Variants in ZNF695 observed in about 807,000 individuals in gnomAD.
The protein encoded by ZNF695 is zinc finger protein 695.
Under a neutral mutation model 11.2 loss-of-function variants are expected in ZNF695, and 11 were observed. That is an observed-to-expected ratio of 0.98 (90% CI 0.62 to 1.62). ZNF695 has a LOEUF of 1.62. Ranked by LOEUF, ZNF695 falls within the 40% of genes most tolerant of loss-of-function variation. The probability of loss-of-function intolerance (pLI) is 0.00; values close to 1 mark genes in which losing one functional copy is unlikely to be tolerated. For synonymous variants in ZNF695, 190 were observed against 201.4 expected (o/e 0.94, Z 0.48); for missense variants, 559 against 590.5 (o/e 0.95, Z 0.55).
At chr1:246,971,389 G>C (rs10924876) in intron 4 of ZNF695, among the ~76,000 whole-genome samples, 44,066 of 152,150 alleles carry the variant, frequency 0.29, 7,349 homozygotes, top group East Asian at 0.41. Flanking sequence ...TCAGGCCTCC[G>C]GATAGCTGTG....
At chr1:246,976,287 T>G (rs1668556224) in intron 4 of ZNF695, among the ~76,000 whole-genome samples, 1 of 152,218 alleles carries the variant, frequency 6.6e-6, no homozygotes, top group Non-Finnish European at 1.5e-5. Context: ...ACAACAAGAA[T>G]GAAATAGTCA....
chr1:246,946,098 T>C (rs575299437), intron 5 of ZNF695, among the ~76,000 whole-genome samples: 1 of 152,304 alleles, frequency 6.6e-6, no homozygotes, highest in Non-Finnish European at 1.5e-5. Flanking sequence ...GCTCATTGTC[T>C]TTCCCCAGAA....
chr1:246,978,768 G>A (rs1210386293), intron 4 of ZNF695, among the ~76,000 whole-genome samples: 2 of 152,052 alleles, frequency 1.3e-5, no homozygotes, highest in East Asian at 1.9e-4. Flanking sequence ...CGGGTTGCTG[G>A]GCCTCTCCTT....
chr1:246,956,811 T>C (rs1313876450), intron 5 of ZNF695, among the ~76,000 whole-genome samples: 4 of 152,132 alleles, frequency 2.6e-5, no homozygotes, highest in Non-Finnish European at 4.4e-5. Flanking sequence ...CCTCCTAAAG[T>C]GCTAGGATTA....
intron 1 of ZNF695, among the ~76,000 whole-genome samples, chr1:247,007,321 C>A (rs1255661420): frequency 6.6e-6 from 1 of 151,862 alleles, no homozygotes; most frequent in Admixed American, 6.6e-5. Context: ...ATGGTGAAAT[C>A]TCCGTTTCTA....
At chr1:246,998,646 T>C (rs1669273776) in intron 3 of ZNF695, among the ~76,000 whole-genome samples, 1 of 152,190 alleles carries the variant, frequency 6.6e-6, no homozygotes, top group Non-Finnish European at 1.5e-5. Flanking sequence ...TCTCACATGT[T>C]CCACATGCAA....
intron 5 of ZNF695, among the ~76,000 whole-genome samples, chr1:246,957,469 T>G (rs1434493123): frequency 2.6e-5 from 4 of 152,140 alleles, no homozygotes; most frequent in Admixed American, 2.0e-4. Flanking sequence ...AACTTTAATC[T>G]TCTCTAATTA....
chr1:246,982,769 T>C (rs6671016), downstream of ZNF695, among the ~76,000 whole-genome samples: 25,622 of 149,728 alleles, frequency 0.17, 2,395 homozygotes, highest in Middle Eastern at 0.25. Flanking sequence ...TCAGGAGATC[T>C]CTATCTATTT....
At chr1:247,002,802 A>AGTG (rs1558321896) in intron 1 of ZNF695, among the ~76,000 whole-genome samples, 6 of 151,666 alleles carry the variant, frequency 4.0e-5, no homozygotes, top group Non-Finnish European at 8.8e-5. Flanking sequence ...AGGGGGGGGC[A>AGTG]GCAAAGGACT....
At chr1:247,004,793 C>A (rs1438349379) in intron 1 of ZNF695, among the ~76,000 whole-genome samples, 1 of 152,078 alleles carries the variant, frequency 6.6e-6, no homozygotes, top group Non-Finnish European at 1.5e-5. Flanking sequence ...CAACAGCAAA[C>A]AATCTGAAAA....
rs760934069 is a variant in ZNF695 at position 246,987,953 on chromosome 1, CT to C, written c.561del (p.Glu188AsnfsTer10). ...SHTGEKPFKC[K>X]ECGNVSCMSL... is the part of the protein sequence containing the mutation. ...GACATGCAAGAGACATTGCCACATT[CT>C]TTGCATTTGAATGGTTTTTCTCCAG... On this transcript the variant is annotated frameshift_variant, in exon 4 of 4. Coordinates refer to ENST00000339986, the MANE Select transcript of ZNF695 (RefSeq NM_020394.5). LOFTEE classifies it low-confidence loss of function (END_TRUNC). 4 of 1,610,434 alleles carry C rather than the reference CT, an allele frequency of 2.5e-6. No individual in the cohort carries two copies. Among genetic ancestry groups the C allele is most frequent in the Non-Finnish European group, 3.4e-6 (4 of 1,178,850 alleles).
chr1:246,966,709 T>G, intron 5 of ZNF695: 1 of 451,372 alleles, frequency 2.2e-6, no homozygotes, highest in Non-Finnish European at 4.5e-6. Flanking sequence ...CGCTTGACCC[T>G]GGGAGTTCAA....
At chr1:246,976,585 G>C (rs1285552277) in intron 4 of ZNF695, among the ~76,000 whole-genome samples, 3 of 151,630 alleles carry the variant, frequency 2.0e-5, no homozygotes, top group Admixed American at 1.3e-4. Context: ...ACGAGGTGAG[G>C]AGATCGAGAC....
intron 3 of ZNF695, among the ~76,000 whole-genome samples, chr1:246,997,551 A>G (rs559670009): frequency 6.6e-6 from 1 of 151,956 alleles, no homozygotes; most frequent in South Asian, 2.1e-4. Flanking sequence ...CAGCAATCTC[A>G]CATGTGTGTG....
At chr1:247,005,764 A>G (rs1669514041) in intron 1 of ZNF695, among the ~76,000 whole-genome samples, 1 of 152,192 alleles carries the variant, frequency 6.6e-6, no homozygotes, top group African/African-American at 2.4e-5. Context: ...AAATCAAATC[A>G]AAATGGATTA....
chr1:246,966,233 A>C (rs1486517144), intron 5 of ZNF695, among the ~76,000 whole-genome samples: 2 of 152,154 alleles, frequency 1.3e-5, no homozygotes, highest in African/African-American at 2.4e-5. Flanking sequence ...TCACACCTAT[A>C]ATCTCAGCAC....
chr1:246,972,839 G>A (rs910865703), intron 4 of ZNF695, among the ~76,000 whole-genome samples: 1 of 151,150 alleles, frequency 6.6e-6, no homozygotes, highest in Non-Finnish European at 1.5e-5. Flanking sequence ...TTTTAGAAAC[G>A]CAAAAGAACA....
In ZNF695 at chr1:246,986,513, T is replaced by C. The variant is rs1371832848; in HGVS notation, c.*454A>G. The C allele has an allele frequency of 2.0e-6, 2 of 986,960 alleles. No individual in the cohort carries two copies. The highest frequency in any genetic ancestry group is 1.1e-4 in the East Asian group (1 of 8,870). 61.1% of individuals were successfully genotyped at this position (986,960 alleles called of 1,614,324 possible). A position where few individuals can be genotyped will look rare whatever the true frequency, so the allele number is the denominator to read the frequency against. Reference sequence around the variant, plus strand: ...GTGTCAGTGACTTAGTGCTTTTTACTATGAATTCTTGGATGTGTTTTGATG... The same window carrying C: ...GTGTCAGTGACTTAGTGCTTTTTACCATGAATTCTTGGATGTGTTTTGATG... On this transcript the variant is annotated 3_prime_UTR_variant, in exon 4 of 4. Coordinates refer to ENST00000339986, the MANE Select transcript of ZNF695 (RefSeq NM_020394.5).
At chr1:246,945,790 A>G in exon 6 of ZNF695, 1 of 1,550,348 alleles carries the variant, frequency 6.5e-7, no homozygotes, top group Non-Finnish European at 8.7e-7. Flanking sequence ...GAACCTCCGC[A>G]GGGTCTTCAA....
Sources: gnomAD v4.1 joint callset for allele counts (sites outside exome capture counted in the v4.1 genomes callset) on GRCh38, gnomAD v4.1.1 for gene constraint, MANE v1.5 for transcripts, NCBI Gene and HGNC (gene_info 2026-07-23, HGNC 2026-07-21) for gene names.